Variants in BORCS5 observed in about 807,000 individuals in gnomAD.
The protein encoded by BORCS5 is BLOC-1-related complex subunit 5.
A neutral mutation model predicts 22.1 loss-of-function variants in BORCS5; 17 were observed. The ratio of observed to expected loss-of-function variants is 0.77; its 90% confidence interval spans 0.53 to 1.15. The LOEUF is 1.15. Among genes scored for constraint, BORCS5 ranks in the 50% most tolerant of loss-of-function variants. The pLI, the probability that BORCS5 is intolerant of heterozygous loss-of-function variation, is 0.00. For synonymous variants in BORCS5, 117 were observed against 99.8 expected (o/e 1.17, Z -1.03); for missense variants, 247 against 253.2 (o/e 0.98, Z 0.17).
At chr12:12,434,536 A>G (rs1942512664) in intron 2 of BORCS5, among the ~76,000 whole-genome samples, 1 of 152,226 alleles carries the variant, frequency 6.6e-6, no homozygotes. Flanking sequence ...GGAGTTTTCC[A>G]GAGGCTAAAT....
rs142016978 is a variant in BORCS5 at position 12,452,441 on chromosome 12, C to T, written c.361-13105C>T. 3.2e-4 allele frequency: 169 copies of T among 527,330 alleles called. 2 individuals carry two copies. The highest frequency in any genetic ancestry group is 2.8e-3 in the African/African-American group (147 of 51,942). The allele number at this position is 527,330 out of a possible 1,614,324, so 32.7% of individuals were successfully genotyped here. ...ATAGGGCTGGTAGAACTTGGAGAGC[C>T]GCGGTTTCCCATGATTGTTAAGATT... On this transcript the variant is annotated intron_variant, in intron 3 of 3. Coordinates refer to ENST00000314565, the MANE Select transcript of BORCS5 (RefSeq NM_058169.6).
chr12:12,390,840 T>G (rs1035004802), intron 2 of BORCS5, among the ~76,000 whole-genome samples: 9 of 151,802 alleles, frequency 5.9e-5, no homozygotes, highest in African/African-American at 1.9e-4. Context: ...AGGATGACCT[T>G]AGATGATCCA....
intron 2 of BORCS5, among the ~76,000 whole-genome samples, chr12:12,412,291 T>A (rs1189419275): frequency 6.6e-6 from 1 of 152,214 alleles, no homozygotes; most frequent in Non-Finnish European, 1.5e-5. Context: ...TTTAATTCCT[T>A]TCAGCTGTAT....
rs1005256396 is a variant in BORCS5, at chr12:12,467,483, C to T, written c.*1707C>T. On this transcript the variant is annotated 3_prime_UTR_variant, in exon 4 of 4. Transcript: ENST00000314565. ...AAACAAACCACGCAGTCAGCCAGCT[C>T]TCCAGCCAACTGTGTCTACTTCTAA... 1 of 152,274 alleles carries T rather than the reference C, an allele frequency of 6.6e-6. No homozygotes were observed. The highest frequency in any genetic ancestry group is 1.9e-4 in the East Asian group (1 of 5,198). The allele number at this position is 152,274 out of a possible 1,614,324, so 9.4% of individuals were successfully genotyped here. A position where few individuals can be genotyped will look rare whatever the true frequency, so the allele number is the denominator to read the frequency against.
intron 3 of BORCS5, among the ~76,000 whole-genome samples, chr12:12,437,195 G>A (rs1942573299): frequency 6.6e-6 from 1 of 152,176 alleles, no homozygotes; most frequent in African/African-American, 2.4e-5. Flanking sequence ...TCTTTCCCAT[G>A]CTGTTCGCAT....
At chr12:12,423,475 A>T (rs1450311679) in intron 2 of BORCS5, among the ~76,000 whole-genome samples, 1 of 91,978 alleles carries the variant, frequency 1.1e-5, no homozygotes, top group African/African-American at 4.2e-5. Flanking sequence ...TTCCTGACTG[A>T]TACGCTTAAT....
chr12:12,448,674 G>A (rs907233040), intron 3 of BORCS5, among the ~76,000 whole-genome samples: 5 of 151,928 alleles, frequency 3.3e-5, no homozygotes, highest in Non-Finnish European at 5.9e-5. Flanking sequence ...GATTATAGGC[G>A]CCTGCCATCA....
chr12:12,438,385 A>AAAAAAAAAAAAAAAAAAAACAC (rs1555156048), intron 3 of BORCS5, among the ~76,000 whole-genome samples: 7 of 126,140 alleles, frequency 5.5e-5, no homozygotes, highest in African/African-American at 2.3e-4. Flanking sequence ...AAAAAACGAA[A>AAAAAAAAAAAAAAAAAAAACAC]AACAACAACA....
At chr12:12,371,111 A>G (rs1414167515) in intron 2 of BORCS5, among the ~76,000 whole-genome samples, 1 of 152,134 alleles carries the variant, frequency 6.6e-6, no homozygotes, top group Non-Finnish European at 1.5e-5. Flanking sequence ...CTGGCACAAT[A>G]TAATGTTCCA....
At chr12:12,392,722 A>C (rs113543286) in intron 2 of BORCS5, among the ~76,000 whole-genome samples, 2 of 152,256 alleles carry the variant, frequency 1.3e-5, no homozygotes, top group African/African-American at 4.8e-5. Flanking sequence ...AATAAAAATT[A>C]CCATTCAAAT....
At chr12:12,362,633 C>T (rs917957196) in intron 2 of BORCS5, among the ~76,000 whole-genome samples, 1 of 103,832 alleles carries the variant, frequency 9.6e-6, no homozygotes, top group African/African-American at 3.1e-5. Context: ...TCATGTTACT[C>T]ATCTTTTTTT....
chr12:12,394,320 T>C (rs913821082), intron 2 of BORCS5, among the ~76,000 whole-genome samples: 3 of 151,876 alleles, frequency 2.0e-5, no homozygotes, highest in Non-Finnish European at 2.9e-5. Flanking sequence ...ATTGAGACTC[T>C]ATCTCAAAAA....
intron 2 of BORCS5, among the ~76,000 whole-genome samples, chr12:12,419,832 T>C (rs1942068341): frequency 6.6e-6 from 1 of 152,178 alleles, no homozygotes; most frequent in South Asian, 2.1e-4. Context: ...TTTTGGCAGC[T>C]TAGATGTCTT....
At chr12:12,421,393 A>T (rs549570764) in intron 2 of BORCS5, among the ~76,000 whole-genome samples, 5 of 152,296 alleles carry the variant, frequency 3.3e-5, no homozygotes, top group African/African-American at 1.2e-4. Context: ...CATCCCAGGG[A>T]TGAAGCCGAC....
At position 12,465,645 on chromosome 12, in the gene BORCS5, G is replaced by T; in HGVS notation, c.460G>T (p.Ala154Ser). The T allele has an allele frequency of 1.2e-6, 2 of 1,614,242 alleles. No homozygotes were observed. Among genetic ancestry groups the T allele is most frequent in the Non-Finnish European group, 1.7e-6 (2 of 1,180,038 alleles). Residue 154 changes from alanine (A) to serine (S), a missense_variant, in exon 4 of 4, where the codon GCC becomes TCC. By Grantham distance (99) the Ala-to-Ser change is moderately conservative (BLOSUM62 1). Transcript: ENST00000314565. Reference protein sequence around the residue: ...EQIQKVNEMSAILRRIQMGID... With the variant: ...EQIQKVNEMSSILRRIQMGID... ...GATCCAGAAAGTGAACGAGATGTCC[G>T]CCATCCTCCGCCGCATACAGATGGG...
At chr12:12,379,847 G>T (rs1219736864) in intron 2 of BORCS5, among the ~76,000 whole-genome samples, 1 of 151,360 alleles carries the variant, frequency 6.6e-6, no homozygotes, top group Non-Finnish European at 1.5e-5. Context: ...TGCATTCACA[G>T]CTTGGCAAAC....
intron 3 of BORCS5, among the ~76,000 whole-genome samples, chr12:12,448,931 A>G (rs1330565337): frequency 6.6e-6 from 1 of 152,216 alleles, no homozygotes; most frequent in East Asian, 1.9e-4. Flanking sequence ...TACTCGCTGC[A>G]TAGTGTCACA....
At chr12:12,362,924 T>A (rs1863323416) in intron 2 of BORCS5, among the ~76,000 whole-genome samples, 1 of 152,046 alleles carries the variant, frequency 6.6e-6, no homozygotes, top group Admixed American at 6.5e-5. Context: ...GTGCTGGGAT[T>A]ACAGGCGTGA....
intron 2 of BORCS5, among the ~76,000 whole-genome samples, chr12:12,397,452 TTCTGCA>T (rs1941377409): frequency 1.3e-5 from 2 of 152,370 alleles, no homozygotes; most frequent in Admixed American, 1.3e-4. Flanking sequence ...GGGAATTCGC[TTCTGCA>T]TTCTGATAAT....
Sources: allele counts gnomAD v4.1 joint callset (sites outside exome capture counted in the v4.1 genomes callset), GRCh38; gene constraint gnomAD v4.1.1; transcripts MANE v1.5; gene names NCBI Gene and HGNC (gene_info 2026-07-23, HGNC 2026-07-21).